Variants in GRID2 observed in about 807,000 individuals in gnomAD.
The protein encoded by GRID2 is glutamate receptor ionotropic, delta-2.
GRID2 carries 33 observed loss-of-function variants against 114.8 expected under a neutral mutation model. The observed-to-expected ratio is 0.29, with a 90% CI of 0.22 to 0.38. The LOEUF (loss-of-function observed/expected upper bound fraction) is 0.38. Ranked by LOEUF, GRID2 falls within the 10% of genes least tolerant of loss-of-function variation. The probability of loss-of-function intolerance (pLI) is 1.00; values close to 1 mark genes in which losing one functional copy is unlikely to be tolerated. For missense variants in GRID2, 1,184 were observed against 1,257.7 expected, an observed-to-expected ratio of 0.94 and a Z score of 0.89; for synonymous variants, 505 against 449.9, an observed-to-expected ratio of 1.12 and a Z score of -1.55.
At chr4:93,634,065 T>C (rs907835943) in intron 14 of GRID2, among the ~76,000 whole-genome samples, 1 of 152,104 alleles carries the variant, frequency 6.6e-6, no homozygotes, top group Non-Finnish European at 1.5e-5. Context: ...AAATATAAAC[T>C]AGCCCCAAGC....
chr4:93,797,988 A>G (rs1340122544), intron 1 of GRID2, among the ~76,000 whole-genome samples: 1 of 152,044 alleles, frequency 6.6e-6, no homozygotes, highest in Non-Finnish European at 1.5e-5. Flanking sequence ...CCCCGTCTCT[A>G]CTAAAAATAC....
At chr4:92,848,608 T>C (rs553419578) in intron 2 of GRID2, among the ~76,000 whole-genome samples, 32 of 152,000 alleles carry the variant, frequency 2.1e-4, no homozygotes, top group African/African-American at 7.7e-4. Flanking sequence ...TACCCACACC[T>C]GGAACAATGC....
chr4:93,809,848 CTTATA>C (rs1735098285), exon 2 of GRID2: 1 of 152,106 alleles, frequency 6.6e-6, no homozygotes, highest in African/African-American at 2.4e-5. Context: ...AAAACAGTGT[CTTATA>C]TTGTAGTTTA....
intron 2 of GRID2, among the ~76,000 whole-genome samples, chr4:92,878,284 A>G (rs1560662342): frequency 6.6e-6 from 1 of 152,154 alleles, no homozygotes; most frequent in Non-Finnish European, 1.5e-5. Flanking sequence ...GTCATCTTTC[A>G]AATATCTGCT....
intron 2 of GRID2, among the ~76,000 whole-genome samples, chr4:92,704,522 A>G (rs888018951): frequency 6.6e-6 from 1 of 152,184 alleles, no homozygotes; most frequent in Non-Finnish European, 1.5e-5. Context: ...AAGTCTATCC[A>G]TTATTTTACA....
At chr4:93,200,592 A>AACAG (rs1205555520) in intron 4 of GRID2, among the ~76,000 whole-genome samples, 2 of 151,510 alleles carry the variant, frequency 1.3e-5, no homozygotes, top group Non-Finnish European at 2.9e-5. Flanking sequence ...CAAACAAACA[A>AACAG]AAAAACATTA....
At chr4:92,604,505 A>G (rs545540898) in intron 2 of GRID2, among the ~76,000 whole-genome samples, 2 of 151,718 alleles carry the variant, frequency 1.3e-5, no homozygotes, top group East Asian at 2.0e-4. Context: ...ACATGGACAC[A>G]GGGAGGGGAA....
chr4:92,994,873 T>C (rs1755106895), intron 2 of GRID2, among the ~76,000 whole-genome samples: 1 of 152,166 alleles, frequency 6.6e-6, no homozygotes. Flanking sequence ...ACAGTGTATG[T>C]TGGAGCCAGC....
At chr4:93,407,811 TTCCTCCTCCTCCTTC>T (rs1420720501) in intron 9 of GRID2, among the ~76,000 whole-genome samples, 72 of 63,962 alleles carry the variant, frequency 1.1e-3, no homozygotes, top group African/African-American at 6.1e-3. Context: ...CCTCCTCCTC[TTCCTCCTCCTCCTTC>T]TCCTCCTCCT....
intron 8 of GRID2, among the ~76,000 whole-genome samples, chr4:93,322,043 T>C (rs1389768906): frequency 6.6e-6 from 1 of 151,832 alleles, no homozygotes; most frequent in African/African-American, 2.4e-5. Context: ...TATTTCTTTT[T>C]TTTTCTTTTT....
chr4:92,802,416 T>C (rs961497747), intron 2 of GRID2, among the ~76,000 whole-genome samples: 2 of 151,902 alleles, frequency 1.3e-5, no homozygotes, highest in African/African-American at 4.8e-5. Context: ...CGAAATTGTT[T>C]CACTGCCCTA....
At chr4:93,511,415 A>G (rs1234594844) in intron 12 of GRID2, among the ~76,000 whole-genome samples, 2 of 152,150 alleles carry the variant, frequency 1.3e-5, no homozygotes, top group African/African-American at 4.8e-5. Context: ...GTAAGCTCTC[A>G]GTATTGTTCA....
intron 1 of GRID2, among the ~76,000 whole-genome samples, chr4:92,400,804 G>A (rs1260888372): frequency 6.6e-6 from 1 of 152,044 alleles, no homozygotes; most frequent in Non-Finnish European, 1.5e-5. Context: ...CCTTGTGAGT[G>A]TGGTGTCCAA....
At chr4:93,369,662 A>AT (rs1326362163) in intron 8 of GRID2, among the ~76,000 whole-genome samples, 3 of 151,734 alleles carry the variant, frequency 2.0e-5, no homozygotes, top group Non-Finnish European at 2.9e-5. Flanking sequence ...CTAATATTTC[A>AT]TTTTTTTGTA....
At chr4:92,585,584 CT>C (rs1728391615) in intron 1 of GRID2, among the ~76,000 whole-genome samples, 1 of 151,916 alleles carries the variant, frequency 6.6e-6, no homozygotes, top group Non-Finnish European at 1.5e-5. Context: ...TTAAACACAA[CT>C]TGATAAGGTT....
Position 92,440,432 on chromosome 4 carries a change from C to T in GRID2, c.88+135688C>T, listed in dbSNP as rs940904404. Among the ~76,000 whole-genome samples, 69 of 151,802 alleles carry T rather than the reference C, an allele frequency of 4.5e-4. 1 individual carries two copies. Among genetic ancestry groups the T allele is most frequent in the Non-Finnish European group, 4.3e-4 (29 of 67,866 alleles). On this transcript the variant is annotated intron_variant, in intron 1 of 15. Transcript: ENST00000282020. ...TATCCAGTGAAAGTGTCTACCTAGA[C>T]TAAGAGGTATTTCAGTTATCTGACT...
intron 7 of GRID2, among the ~76,000 whole-genome samples, chr4:93,227,902 C>T (rs2149496342): frequency 6.6e-6 from 1 of 152,284 alleles, no homozygotes; most frequent in East Asian, 1.9e-4. Context: ...TATGAGTATT[C>T]TGGTCACAAC....
At chr4:92,447,178 GT>G (rs1324720850) in intron 1 of GRID2, among the ~76,000 whole-genome samples, 4 of 152,108 alleles carry the variant, frequency 2.6e-5, no homozygotes, top group Non-Finnish European at 5.9e-5. Context: ...ATATATTCCA[GT>G]TTGTATTTAT....
At chr4:92,943,996 TG>T (rs970658276) in intron 2 of GRID2, among the ~76,000 whole-genome samples, 2 of 152,136 alleles carry the variant, frequency 1.3e-5, no homozygotes, top group Non-Finnish European at 2.9e-5. Context: ...CTGCCCCTAC[TG>T]GGGGGTGCCT....
Sources: gnomAD v4.1 joint callset for allele counts (sites outside exome capture counted in the v4.1 genomes callset) on GRCh38, gnomAD v4.1.1 for gene constraint, MANE v1.5 for transcripts, NCBI Gene and HGNC (gene_info 2026-07-23, HGNC 2026-07-21) for gene names.